Variants in NTMT1 observed in about 807,000 individuals in gnomAD.
The protein encoded by NTMT1 is N-terminal Xaa-Pro-Lys N-methyltransferase 1.
Under a neutral mutation model 17.5 loss-of-function variants are expected in NTMT1, and 8 were observed. That is an observed-to-expected ratio of 0.46 (90% CI 0.27 to 0.82). The LOEUF is 0.82. NTMT1 is among the 40% of genes least tolerant of loss of function. The pLI, the probability that NTMT1 is intolerant of heterozygous loss-of-function variation, is 0.15. For missense variants in NTMT1, 221 were observed against 303.5 expected (o/e 0.73, Z 2.02); for synonymous variants, 128 against 126.8 (o/e 1.01, Z -0.06).
intron 1 of NTMT1, among the ~76,000 whole-genome samples, chr9:129,610,591 C>T (rs1411666266): frequency 6.6e-6 from 1 of 151,864 alleles, no homozygotes; most frequent in Non-Finnish European, 1.5e-5. Flanking sequence ...GCCAGCAGCG[C>T]GGAGGCGGAG....
chr9:129,631,677 C>T (rs1831173837), intron 1 of NTMT1, among the ~76,000 whole-genome samples: 1 of 152,222 alleles, frequency 6.6e-6, no homozygotes. Context: ...AGACCAGGAA[C>T]TGGCAGCCGC....
At position 129,613,612 on chromosome 9, in the gene NTMT1, G is replaced by T; in HGVS notation, c.-55+4434G>T. On this transcript the variant is annotated intron_variant, in intron 1 of 3. Transcript: ENST00000372486. The surrounding 1 kb of genome is among the most constrained non-coding windows in gnomAD (Gnocchi z 6.2). ...GCTCTGTTGGACTGCAGGAAAGAGG[G>T]CAGGGTGAGATCTCTGCCCAGGAGG... is the stretch of plus-strand genomic sequence containing the variant. The T allele has an allele frequency of 2.5e-6, 4 of 1,613,920 alleles. No homozygotes were observed. Among genetic ancestry groups the T allele is most frequent in the East Asian group, 2.2e-5 (1 of 44,872 alleles).
At chr9:129,633,835 T>A (rs1457437371) in intron 2 of NTMT1, among the ~76,000 whole-genome samples, 1 of 152,072 alleles carries the variant, frequency 6.6e-6, no homozygotes, top group African/African-American at 2.4e-5. Context: ...CAACCTGAAC[T>A]TTCAAAGATA....
chr9:129,635,096 C>T (rs1003787827), intron 3 of NTMT1, 112 bp from the exon 4 acceptor site: 2 of 1,319,122 alleles, frequency 1.5e-6, no homozygotes, highest in Non-Finnish European at 2.1e-6. Flanking sequence ...CATGTGTGCA[C>T]ACAAAATGCT....
At chr9:129,618,864 TTG>T (rs1830520924) in intron 1 of NTMT1, among the ~76,000 whole-genome samples, 1 of 91,600 alleles carries the variant, frequency 1.1e-5, no homozygotes, top group South Asian at 3.9e-4. Context: ...GGCTAATTTT[TTG>T]TGTTTTTTTT....
At chr9:129,615,525 A>G (rs149091556) in intron 1 of NTMT1, 89 of 1,610,654 alleles carry the variant, frequency 5.5e-5, no homozygotes, top group Non-Finnish European at 6.8e-5. Flanking sequence ...TGTGTCCTGC[A>G]GGGTCTCGTC....
intron 1 of NTMT1, among the ~76,000 whole-genome samples, chr9:129,631,149 G>C (rs568823984): frequency 6.6e-6 from 1 of 152,158 alleles, no homozygotes; most frequent in Non-Finnish European, 1.5e-5. Flanking sequence ...TGCCCAGCTC[G>C]GGCTGCCTCC....
upstream of NTMT1, among the ~76,000 whole-genome samples, chr9:129,624,327 T>G (rs1830831394): frequency 6.6e-6 from 1 of 152,204 alleles, no homozygotes; most frequent in African/African-American, 2.4e-5. Flanking sequence ...GGATCAGAGC[T>G]GCCCCCTGGC....
Position 129,613,379 on chromosome 9 carries a change from G to A in NTMT1, c.-55+4201G>A. The A allele has an allele frequency of 1.9e-6, 3 of 1,597,458 alleles. No homozygotes were observed. Among genetic ancestry groups the A allele is most frequent in the South Asian group, 1.1e-5 (1 of 90,052 alleles). The stretch of plus-strand genomic sequence containing the variant: ...TGGGTGGGGAGGTCTGTAGGCAAGG[G>A]GGGTGGAGGGCCCTGGCAATGTCCA... On this transcript the variant is annotated intron_variant, in intron 1 of 3. Coordinates refer to the NTMT1 transcript ENST00000372486. The surrounding 1 kb of genome is among the most constrained non-coding windows in gnomAD (Gnocchi z 6.2).
chr9:129,609,851 C>A (rs1366187135), intron 1 of NTMT1, among the ~76,000 whole-genome samples: 1 of 151,964 alleles, frequency 6.6e-6, no homozygotes, highest in Admixed American at 6.5e-5. Context: ...GTGGGGGCTG[C>A]GGCCCTGGGA....
In NTMT1 at chr9:129,620,085, C is replaced by A; in HGVS notation, c.-55+10907C>A. 6.9e-7 allele frequency: 1 copy of A among 1,451,710 alleles called. No homozygotes were observed. Among genetic ancestry groups the A allele is most frequent in the Non-Finnish European group, 9.1e-7 (1 of 1,099,720 alleles). The allele number at this position is 1,451,710 out of a possible 1,614,324, so 89.9% of individuals were successfully genotyped here. A position where few individuals can be genotyped will look rare whatever the true frequency, so the allele number is the denominator to read the frequency against. ...GCCTCACTCAGTGGCTCCGGCTCCTCGGCGCACTTCTCCTGGAGCTGGTGC... is the reference window on the plus strand; with the variant it reads ...GCCTCACTCAGTGGCTCCGGCTCCTAGGCGCACTTCTCCTGGAGCTGGTGC... On this transcript the variant is annotated intron_variant, in intron 1 of 3. Transcript: ENST00000372486. This position sits in a 1 kb window ranked among gnomAD's most constrained non-coding sequence, Gnocchi z 5.8.
rs1830160019 is a variant in NTMT1, at chr9:129,612,941, A to T, written c.-55+3763A>T. Among the ~76,000 whole-genome samples, 3 of 152,080 alleles carry T rather than the reference A, an allele frequency of 2.0e-5. 1 individual carries two copies. Among genetic ancestry groups the T allele is most frequent in the Admixed American group, 2.0e-4 (3 of 15,272 alleles). On this transcript the variant is annotated intron_variant, in intron 1 of 3. Coordinates refer to the NTMT1 transcript ENST00000372486. The stretch of plus-strand genomic sequence containing the variant: ...CCTTGACAGCTGCCCTTTGAGGGAG[A>T]TGCAGGAACACAGGGCGTGGCCACT...
At chr9:129,619,628 G>A (rs1299063033) in intron 1 of NTMT1, 21 of 1,613,916 alleles carry the variant, frequency 1.3e-5, no homozygotes, top group Non-Finnish European at 1.6e-5. Context: ...GAGGTGCGAT[G>A]ACTGGCCCCT....
chr9:129,615,480 T>C (rs781120632), intron 1 of NTMT1: 1 of 1,583,394 alleles, frequency 6.3e-7, no homozygotes. Flanking sequence ...TCCTGTCTGC[T>C]TACCTGAGCG....
At chr9:129,630,902 A>G (rs1441336059) in intron 1 of NTMT1, among the ~76,000 whole-genome samples, 1 of 152,232 alleles carries the variant, frequency 6.6e-6, no homozygotes, top group African/African-American at 2.4e-5. Flanking sequence ...CAGCACGGCC[A>G]CTGCCATTCT....
intron 1 of NTMT1, chr9:129,615,652 G>A: frequency 2.0e-6 from 3 of 1,536,876 alleles, no homozygotes; most frequent in Non-Finnish European, 2.6e-6. Context: ...GGCCTGCTGA[G>A]AGAGGGGAGA....
At chr9:129,618,923 C>T (rs1281706398) in intron 1 of NTMT1, among the ~76,000 whole-genome samples, 2 of 137,618 alleles carry the variant, frequency 1.5e-5, no homozygotes, top group Non-Finnish European at 3.1e-5. Flanking sequence ...ACCGTGTTAT[C>T]CAGGGTGGTC....
intron 3 of NTMT1, 43 bp from the exon 4 acceptor site, chr9:129,635,165 C>G: frequency 6.3e-7 from 1 of 1,581,398 alleles, no homozygotes; most frequent in Non-Finnish European, 8.6e-7. Context: ...TGCCGACATC[C>G]GCTTGCATGG....
At chr9:129,612,167 C>T (rs1432592532) in intron 1 of NTMT1, 1 of 596,742 alleles carries the variant, frequency 1.7e-6, no homozygotes, top group Admixed American at 2.7e-5. Context: ...CTGGCTGTGT[C>T]TCCATCCCCT....
Sources: allele counts gnomAD v4.1 joint callset (sites outside exome capture counted in the v4.1 genomes callset), GRCh38; gene constraint gnomAD v4.1.1; non-coding constraint Gnocchi (gnomAD v3.1); transcripts MANE v1.5; gene names NCBI Gene and HGNC (gene_info 2026-07-23, HGNC 2026-07-21).